The following SGCZ variants were observed in gnomAD, a reference collection of about 807,000 sequenced individuals.
SGCZ encodes zeta-sarcoglycan.
Under a neutral mutation model 41.3 loss-of-function variants are expected in SGCZ, and 40 were observed. That is an observed-to-expected ratio of 0.97 (90% CI 0.75 to 1.26). The LOEUF (loss-of-function observed/expected upper bound fraction) is 1.26, where lower values mean the gene tolerates loss of function less well. Among genes scored for constraint, SGCZ ranks in the 50% most tolerant of loss-of-function variants. The pLI is 0.00. For synonymous variants in SGCZ, 206 were observed against 137.5 expected, an observed-to-expected ratio of 1.50 and a Z score of -3.49; for missense variants, 552 against 369.8, an observed-to-expected ratio of 1.49 and a Z score of -4.04.
intron 2 of SGCZ, among the ~76,000 whole-genome samples, chr8:14,490,895 A>G (rs1801823399): frequency 6.6e-6 from 1 of 152,236 alleles, no homozygotes; most frequent in Admixed American, 6.5e-5. Context: ...TTGCTGTTTC[A>G]GGAGCTAAAA....
At chr8:15,065,094 T>C (rs1273612799) in intron 1 of SGCZ, among the ~76,000 whole-genome samples, 1 of 152,122 alleles carries the variant, frequency 6.6e-6, no homozygotes, top group Admixed American at 6.5e-5. Context: ...ATCTGGATAA[T>C]TTCCCCTTGG....
chr8:14,924,761 G>A (rs552456995), intron 1 of SGCZ, among the ~76,000 whole-genome samples: 1 of 150,428 alleles, frequency 6.6e-6, no homozygotes, highest in African/African-American at 2.4e-5. Flanking sequence ...AACACAAAAT[G>A]TTAAAAGTTT....
intron 1 of SGCZ, among the ~76,000 whole-genome samples, chr8:14,838,437 C>T (rs1006987982): frequency 2.6e-5 from 4 of 152,102 alleles, no homozygotes; most frequent in African/African-American, 9.7e-5. Flanking sequence ...GGCATGCCTC[C>T]TTTATCTGGC....
chr8:14,119,536 A>C (rs189819094), intron 5 of SGCZ, among the ~76,000 whole-genome samples: 38 of 152,088 alleles, frequency 2.5e-4, no homozygotes, highest in African/African-American at 8.4e-4. Context: ...CTTTCTATTT[A>C]AATACACATT....
intron 5 of SGCZ, among the ~76,000 whole-genome samples, chr8:14,146,225 A>G (rs1391225861): frequency 1.3e-5 from 2 of 152,192 alleles, no homozygotes; most frequent in Admixed American, 6.5e-5. Context: ...AAGAGCTCCA[A>G]CAGGTCTGGC....
chr8:14,443,353 G>C (rs1186214546), intron 2 of SGCZ, among the ~76,000 whole-genome samples: 28 of 152,116 alleles, frequency 1.8e-4, no homozygotes, highest in Non-Finnish European at 1.5e-5. Flanking sequence ...GCATCGCCAA[G>C]TCAATCCTAA....
intron 1 of SGCZ, among the ~76,000 whole-genome samples, chr8:14,939,751 C>T (rs149252274): frequency 2.0e-5 from 3 of 152,178 alleles, no homozygotes; most frequent in Non-Finnish European, 2.9e-5. Context: ...GTAAGACCGG[C>T]GCAAACAGTG....
intron 1 of SGCZ, among the ~76,000 whole-genome samples, chr8:14,669,323 A>T (rs1808019725): frequency 6.7e-6 from 1 of 148,910 alleles, no homozygotes; most frequent in Middle Eastern, 3.2e-3. Context: ...ATGCCACTGC[A>T]CTCTAGCCTG....
chr8:14,294,260 T>C (rs1800940403), intron 3 of SGCZ, among the ~76,000 whole-genome samples: 1 of 151,886 alleles, frequency 6.6e-6, no homozygotes, highest in Admixed American at 6.6e-5. Flanking sequence ...ATTTGTGAGC[T>C]TCATTTGGGA....
At chr8:14,768,563 G>A (rs781703328) in intron 1 of SGCZ, among the ~76,000 whole-genome samples, 1 of 152,150 alleles carries the variant, frequency 6.6e-6, no homozygotes. Flanking sequence ...ATAACTGAAA[G>A]TTAAAATTAT....
At chr8:14,177,219 T>C (rs1585203623) in intron 4 of SGCZ, among the ~76,000 whole-genome samples, 2 of 151,970 alleles carry the variant, frequency 1.3e-5, no homozygotes, top group South Asian at 2.1e-4. Flanking sequence ...TGGGCACCTA[T>C]TGCAAAAAGC....
At chr8:15,212,570 G>C (rs1360633841) in intron 1 of SGCZ, among the ~76,000 whole-genome samples, 1 of 152,046 alleles carries the variant, frequency 6.6e-6, no homozygotes, top group Non-Finnish European at 1.5e-5. Flanking sequence ...TGTAGACTGA[G>C]AGCCTTGGCT....
chr8:14,955,287 G>C (rs564367011), intron 1 of SGCZ, among the ~76,000 whole-genome samples: 3 of 152,260 alleles, frequency 2.0e-5, no homozygotes, highest in East Asian at 3.9e-4. Context: ...TAGCTATACT[G>C]TTTTTCTTTT....
chr8:14,665,423 T>A (rs549580479), intron 1 of SGCZ, among the ~76,000 whole-genome samples: 1 of 152,202 alleles, frequency 6.6e-6, no homozygotes, highest in Non-Finnish European at 1.5e-5. Flanking sequence ...TGTTGGACAT[T>A]TGGCTTGGTT....
chr8:15,020,476 T>C (rs1257147970), intron 1 of SGCZ, among the ~76,000 whole-genome samples: 4 of 152,104 alleles, frequency 2.6e-5, no homozygotes, highest in Admixed American at 6.6e-5. Flanking sequence ...TATGAGGAGA[T>C]GTTCTTATGC....
chr8:14,393,370 T>C (rs1161859747), intron 2 of SGCZ, among the ~76,000 whole-genome samples: 2 of 152,052 alleles, frequency 1.3e-5, no homozygotes, highest in Admixed American at 6.6e-5. Flanking sequence ...ACTAGACATG[T>C]TCAAGATGGC....
At chr8:14,751,258 T>C (rs1799490564) in intron 1 of SGCZ, among the ~76,000 whole-genome samples, 1 of 152,198 alleles carries the variant, frequency 6.6e-6, no homozygotes, top group Non-Finnish European at 1.5e-5. Context: ...CAGCAAATGA[T>C]ACATGTTCTC....
At chr8:14,782,201 G>C (rs1374580167) in intron 1 of SGCZ, among the ~76,000 whole-genome samples, 1 of 152,240 alleles carries the variant, frequency 6.6e-6, no homozygotes, top group African/African-American at 2.4e-5. Flanking sequence ...TATAATCTAT[G>C]CTAAAACTTA....
chr8:15,212,506 G>C (rs940901040), intron 1 of SGCZ, among the ~76,000 whole-genome samples: 1 of 152,098 alleles, frequency 6.6e-6, no homozygotes, highest in Non-Finnish European at 1.5e-5. Flanking sequence ...TTATTTCCTT[G>C]ATAGTATCTT....
Sources: allele counts gnomAD v4.1 joint callset (sites outside exome capture counted in the v4.1 genomes callset), GRCh38; gene constraint gnomAD v4.1.1; transcripts MANE v1.5; gene names NCBI Gene and HGNC (gene_info 2026-07-23, HGNC 2026-07-21).